CRYBG3: variants seen among roughly 807,000 people sequenced by gnomAD.
CRYBG3 encodes the protein very large A-kinase anchor protein.
A neutral mutation model predicts 244.2 loss-of-function variants in CRYBG3; 127 were observed. The ratio of observed to expected loss-of-function variants is 0.52; its 90% CI spans 0.45 to 0.60. CRYBG3 has a LOEUF of 0.60. CRYBG3 is among the 20% of genes least tolerant of loss of function. CRYBG3 has a pLI of 0.00. For synonymous variants in CRYBG3, 1,132 were observed against 1,195.8 expected (o/e 0.95, Z 1.10); for missense variants, 3,325 against 3,442.5 (o/e 0.97, Z 0.85).
At chr3:97,867,981 T>C (rs1028325402) in intron 3 of CRYBG3, among the ~76,000 whole-genome samples, 2 of 152,228 alleles carry the variant, frequency 1.3e-5, no homozygotes, top group Non-Finnish European at 2.9e-5. Context: ...AACTTTATGT[T>C]CTTAAGATTA....
intron 1 of CRYBG3, 139 bp from the exon 2 acceptor site, chr3:97,843,056 A>T (rs1353339282): frequency 1.9e-6 from 1 of 539,786 alleles, no homozygotes; most frequent in Non-Finnish European, 3.3e-6. Flanking sequence ...TCAAATCAAT[A>T]TATCCTTGGT....
chr3:97,886,655 CT>C lies in CRYBG3; in HGVS notation c.7181del (p.Phe2394SerfsTer23). 2 of 1,604,352 alleles carry C rather than the reference CT, an allele frequency of 1.2e-6. No individual in the cohort carries two copies. The highest frequency in any genetic ancestry group is 1.3e-5 in the African/African-American group (1 of 74,282). ...GGACTGCAGCATTCCAGAAATAGAG[CT>C]TTTCCCACAATCTGACCCAGCCTGT... ...LKDCSIPEIE[L>X]FPQSDPACCP... On this transcript the variant is annotated frameshift_variant, in exon 8 of 22. Transcript: ENST00000389622. LOFTEE classifies it high-confidence loss of function.
At chr3:97,921,991 A>G (rs916671154) in intron 17 of CRYBG3, among the ~76,000 whole-genome samples, 2 of 152,278 alleles carry the variant, frequency 1.3e-5, no homozygotes, top group East Asian at 3.9e-4. Flanking sequence ...GAGGCTGTAG[A>G]AAAACTTCAG....
intron 2 of CRYBG3, among the ~76,000 whole-genome samples, chr3:97,861,229 A>G (rs1234046633): frequency 6.6e-6 from 1 of 152,124 alleles, no homozygotes; most frequent in Admixed American, 6.6e-5. Flanking sequence ...TGTGCATACT[A>G]TGGCTTGTGT....
chr3:97,926,349 G>A (rs1280255752), intron 17 of CRYBG3, among the ~76,000 whole-genome samples: 1 of 151,942 alleles, frequency 6.6e-6, no homozygotes, highest in Non-Finnish European at 1.5e-5. Flanking sequence ...TGCAGAAAAG[G>A]CTTTCAATAA....
chr3:97,872,369 T>TC lies in CRYBG3; in HGVS notation c.1178dup (p.Cys394LeufsTer24). 1 of 1,535,800 alleles carries TC rather than the reference T, an allele frequency of 6.5e-7. No homozygotes were observed. Among genetic ancestry groups the TC allele is most frequent in the Non-Finnish European group, 8.7e-7 (1 of 1,146,780 alleles). On this transcript the variant is annotated frameshift_variant, in exon 4 of 22. Coordinates refer to ENST00000389622, the MANE Select transcript of CRYBG3 (RefSeq NM_153605.4). LOFTEE classifies it high-confidence loss of function. ...TTAACAGGAAGTAACCATCGCAAAGTCCCTTGCAGCCCAGATTTTCAGAGA... is the reference window on the plus strand; with the variant it reads ...TTAACAGGAAGTAACCATCGCAAAGTCCCCTTGCAGCCCAGATTTTCAGAGA...
chr3:97,839,450 A>AT (rs1430121339), intron 1 of CRYBG3, among the ~76,000 whole-genome samples: 3 of 151,810 alleles, frequency 2.0e-5, no homozygotes, highest in African/African-American at 7.3e-5. Context: ...TTGTTGAGTA[A>AT]TTTTTTCCCA....
intron 1 of CRYBG3, among the ~76,000 whole-genome samples, chr3:97,828,828 CA>C (rs11341279): frequency 0.43 from 48,690 of 114,534 alleles, 8,793 homozygotes; most frequent in East Asian, 0.56. Flanking sequence ...AACTCCATCT[CA>C]AAAAAAAAAA....
At chr3:97,903,558 A>G (rs930723773) in intron 15 of CRYBG3, among the ~76,000 whole-genome samples, 37 of 152,302 alleles carry the variant, frequency 2.4e-4, no homozygotes, top group African/African-American at 8.4e-4. Context: ...TCAAAGGGCT[A>G]GAGAAAGTCT....
At chr3:97,842,680 A>G (rs1207358848) in intron 1 of CRYBG3, among the ~76,000 whole-genome samples, 2 of 152,184 alleles carry the variant, frequency 1.3e-5, no homozygotes, top group East Asian at 3.9e-4. Flanking sequence ...ATCAGATTTT[A>G]AGGTGCCATC....
intron 20 of CRYBG3, 190 bp from the exon 21 acceptor site, chr3:97,942,094 C>T (rs2040243031): frequency 1.0e-5 from 4 of 398,438 alleles, no homozygotes; most frequent in South Asian, 1.0e-4. Context: ...ATTTCTGTAC[C>T]ATCTCCTACC....
Position 97,916,767 on chromosome 3 carries a change from G to A in CRYBG3, c.8241+1031G>A, listed in dbSNP as rs549797672. Among the ~76,000 whole-genome samples the A allele has an allele frequency of 1.5e-4, 23 of 152,162 alleles. No homozygotes were observed. In the South Asian group the frequency reaches 4.6e-3, roughly 30 times the overall value. ...TTCTTGGTATCAGACTAATTATAGA[G>A]TCTTGGCTGAGAACAAGAATATAAA... On this transcript the variant is annotated intron_variant, in intron 17 of 21. Coordinates refer to ENST00000389622, the MANE Select transcript of CRYBG3 (RefSeq NM_153605.4).
At chr3:97,822,649 G>A (rs1224971489) in intron 1 of CRYBG3, among the ~76,000 whole-genome samples, 1 of 152,184 alleles carries the variant, frequency 6.6e-6, no homozygotes, top group East Asian at 1.9e-4. Flanking sequence ...TCCCCTGCCC[G>A]GACGTGATTG....
At chr3:97,845,472 T>G (rs2038887079) in intron 2 of CRYBG3, among the ~76,000 whole-genome samples, 1 of 152,240 alleles carries the variant, frequency 6.6e-6, no homozygotes, top group East Asian at 1.9e-4. Flanking sequence ...ATTTTTCTAC[T>G]GGAATATGTA....
chr3:97,915,637 G>A lies in CRYBG3; in HGVS notation c.8142G>A (p.Met2714Ile), dbSNP rs1689296576. ...GCWLLYYQED[M>I]FVNHCVLEEG... is the part of the protein sequence containing the mutation. ...GGCTCCTCTATTACCAAGAAGACAT[G>A]TTTGTTAATCACTGTGTGTTAGAAG... The change falls in exon 17 of 22, where the codon ATG (methionine) becomes ATA (isoleucine). Residue 2714 changes from methionine (M) to isoleucine (I), a missense_variant. Transcript: ENST00000389622. The A allele has an allele frequency of 4.3e-6, 7 of 1,611,678 alleles. No individual in the cohort carries two copies. The highest frequency in any genetic ancestry group is 2.2e-5 in the East Asian group (1 of 44,848).
At chr3:97,828,879 T>C (rs1486782290) in intron 1 of CRYBG3, among the ~76,000 whole-genome samples, 2 of 151,166 alleles carry the variant, frequency 1.3e-5, no homozygotes, top group Non-Finnish European at 3.0e-5. Context: ...AAAAAAAACT[T>C]AAGCTACAAC....
In CRYBG3 at chr3:97,838,190, G is replaced by A. The variant is rs113977398; in HGVS notation, c.150-5005G>A. ...TTCAGTGCTGTATGTGCTCATTAGG[G>A]CAACACCTCTTTTCTGGATCGAGAA... is the stretch of plus-strand genomic sequence containing the variant. On this transcript the variant is annotated intron_variant, in intron 1 of 21. Coordinates refer to ENST00000389622, the MANE Select transcript of CRYBG3 (RefSeq NM_153605.4). 5.9e-5 allele frequency among the ~76,000 whole-genome samples: 9 copies of A among 152,220 alleles called. 1 individual carries two copies. The highest frequency in any genetic ancestry group is 2.2e-4 in the African/African-American group (9 of 41,568).
intron 3 of CRYBG3, among the ~76,000 whole-genome samples, chr3:97,868,232 C>A (rs1281098762): frequency 6.8e-6 from 1 of 147,876 alleles, no homozygotes; most frequent in African/African-American, 2.5e-5. Context: ...TGCAGTGAGC[C>A]GAGATAGCAC....
chr3:97,914,480 G>C (rs2039906375), intron 16 of CRYBG3, among the ~76,000 whole-genome samples: 1 of 152,108 alleles, frequency 6.6e-6, no homozygotes, highest in South Asian at 2.1e-4. Context: ...ACATACAACA[G>C]CAGGATAAAA....
Sources: allele counts gnomAD v4.1 joint callset (sites outside exome capture counted in the v4.1 genomes callset), GRCh38; gene constraint gnomAD v4.1.1; transcripts MANE v1.5; gene names NCBI Gene and HGNC (gene_info 2026-07-23, HGNC 2026-07-21).